The following USP9Y variants were observed in gnomAD, a reference collection of about 807,000 sequenced individuals.
USP9Y encodes the protein ubiquitin specific peptidase 9 Y-linked.
USP9Y carries 41 observed loss-of-function variants against 53.1 expected under a neutral mutation model. That is an observed-to-expected ratio of 0.77 (90% CI 0.60 to 1.00). USP9Y has a LOEUF of 1.00. Among genes scored for constraint, USP9Y ranks in the 50% least tolerant of loss-of-function variants. USP9Y has a pLI of 0.00. For synonymous variants in USP9Y, 220 were observed against 173.7 expected (o/e 1.27, Z -2.09); for missense variants, 567 against 535.8 (o/e 1.06, Z -0.58).
intron 2 of USP9Y, among the ~76,000 whole-genome samples, chrY:12,708,925 A>G: frequency 3.6e-4 from 12 of 33,776 alleles, no homozygotes; most frequent in Admixed American, 2.9e-3. Context: ...TTTCTTATTC[A>G]TCTTTTTTTG....
chrY:12,731,014 T>G, intron 7 of USP9Y, among the ~76,000 whole-genome samples: 1 of 33,169 alleles, frequency 3.0e-5, no homozygotes, highest in Admixed American at 2.8e-4. Context: ...TTTCAATTCT[T>G]CAGATTGTCT....
chrY:12,716,300 C>T (rs1322049587), intron 3 of USP9Y, among the ~76,000 whole-genome samples: 16 of 33,705 alleles, frequency 4.7e-4, no homozygotes, highest in Non-Finnish European at 7.3e-5. Flanking sequence ...TATGAGATGA[C>T]CATTGTATAT....
intron 22 of USP9Y, among the ~76,000 whole-genome samples, chrY:12,784,591 G>A (rs780003648): frequency 1.8e-4 from 6 of 33,088 alleles, no homozygotes; most frequent in African/African-American, 7.0e-4. Flanking sequence ...TTGCATGGTC[G>A]CCCCTGTCCA....
chrY:12,745,321 A>G lies in USP9Y; in HGVS notation c.1422+5692A>G, dbSNP rs780871126. Among the ~76,000 whole-genome samples, 3 of 34,058 alleles carry G rather than the reference A, an allele frequency of 8.8e-5. No individual in the cohort carries two copies. In the East Asian group the frequency reaches 2.3e-3, roughly 27 times the overall value. The allele number at this position is 34,058 out of a possible 37,273, so 91.4% of individuals were successfully genotyped here. On this transcript the variant is annotated intron_variant, in intron 12 of 45. Transcript: ENST00000338981. ...GGCTTTGATGGAACTTTCTTCCACA[A>G]GGACTCTCAGATGGGACTTTGAAGC...
At chrY:12,821,883 G>A in intron 33 of USP9Y, among the ~76,000 whole-genome samples, 1 of 33,474 alleles carries the variant, frequency 3.0e-5, no homozygotes, top group African/African-American at 1.2e-4. Flanking sequence ...TATTGGCCAG[G>A]CTGGTCTCAA....
In USP9Y at chrY:12,773,944, C is replaced by A; in HGVS notation, c.2331+19C>A. 1 of 339,052 alleles carries A rather than the reference C, an allele frequency of 2.9e-6. No individual in the cohort carries two copies. Among genetic ancestry groups the A allele is most frequent in the Non-Finnish European group, 4.3e-6 (1 of 232,144 alleles). The allele number at this position is 339,052 out of a possible 400,897, so 84.6% of individuals were successfully genotyped here. ...TTGGAGGGTAAGTGAGTAGTAAGAA[C>A]TTTCATATGCCAACATTGTACCTGA... is the stretch of plus-strand genomic sequence containing the variant. On this transcript the variant is annotated intron_variant, in intron 17 of 45. Coordinates refer to ENST00000338981, the MANE Select transcript of USP9Y (RefSeq NM_004654.4).
At chrY:12,785,680 G>T (rs2053500968) in intron 22 of USP9Y, among the ~76,000 whole-genome samples, 2 of 33,013 alleles carry the variant, frequency 6.1e-5, no homozygotes, top group African/African-American at 2.4e-4. Context: ...TTTTGATTTG[G>T]TTATCCATTC....
At chrY:12,815,320 C>T (rs1028954941) in intron 31 of USP9Y, among the ~76,000 whole-genome samples, 3 of 33,246 alleles carry the variant, frequency 9.0e-5, no homozygotes, top group Non-Finnish European at 1.5e-4. Flanking sequence ...CTCCACCTCC[C>T]GAGTTCAAGC....
rs779824633 is a variant in USP9Y at position 12,736,257 on chromosome Y, A to G, written c.1025+8A>G. ...GTTAAAGATGATACTCAGGTAAGAT[A>G]TTTTCCACCTTAAATTATTTGTGTG... On this transcript the variant is annotated splice_region_variant and intron_variant, in intron 9 of 45. Coordinates refer to ENST00000338981, the MANE Select transcript of USP9Y (RefSeq NM_004654.4). 1.3e-5 allele frequency: 5 copies of G among 376,799 alleles called. No homozygotes were observed. The East Asian group carries it at 4.7e-4, about 36-fold the overall frequency. 94.0% of individuals were successfully genotyped at this position (376,799 alleles called of 400,897 possible).
chrY:12,834,957 A>G (rs899850782), intron 34 of USP9Y, among the ~76,000 whole-genome samples: 7 of 33,901 alleles, frequency 2.1e-4, no homozygotes, highest in African/African-American at 8.0e-4. Flanking sequence ...AGGAAACAGT[A>G]AAAATATCAG....
chrY:12,816,401 C>G, intron 32 of USP9Y, 57 bp downstream of exon 32: 1 of 289,223 alleles, frequency 3.5e-6, no homozygotes, highest in Non-Finnish European at 5.3e-6. Context: ...GTTGTTCTCC[C>G]TCAGATTACT....
At chrY:12,779,497 G>A (rs2053496648) in intron 21 of USP9Y, 29 bp from the exon 22 acceptor site, 1 of 392,618 alleles carries the variant, frequency 2.5e-6, no homozygotes, top group South Asian at 3.0e-5. Flanking sequence ...CAATTTGCAG[G>A]TAAATATTTT....
chrY:12,785,285 G>A (rs748496317), intron 22 of USP9Y, among the ~76,000 whole-genome samples: 3 of 32,921 alleles, frequency 9.1e-5, no homozygotes, highest in African/African-American at 3.5e-4. Flanking sequence ...AGCTTGTTTC[G>A]CTCAGTAATG....
chrY:12,749,070 A>T, intron 12 of USP9Y, among the ~76,000 whole-genome samples: 1 of 33,240 alleles, frequency 3.0e-5, no homozygotes, highest in African/African-American at 1.2e-4. Context: ...CCATTTTCTG[A>T]TGTTATCATC....
At chrY:12,746,101 A>G in intron 12 of USP9Y, among the ~76,000 whole-genome samples, 1 of 33,975 alleles carries the variant, frequency 2.9e-5, no homozygotes, top group African/African-American at 1.1e-4. Context: ...CAAGAACATG[A>G]TTGACAAATG....
chrY:12,714,266 A>C, intron 3 of USP9Y, among the ~76,000 whole-genome samples: 1 of 31,073 alleles, frequency 3.2e-5, no homozygotes, highest in South Asian at 7.6e-4. Flanking sequence ...GCATCATTAA[A>C]ATGCACAGGA....
In USP9Y at chrY:12,840,234, A is replaced by G; in HGVS notation, c.5708A>G (p.Asp1903Gly). The change falls in exon 36 of 46, where the codon GAT becomes GGT. Residue 1903 changes from aspartate to glycine, a missense_variant. Coordinates refer to ENST00000338981, the MANE Select transcript of USP9Y (RefSeq NM_004654.4). ...CAGACAGATCACTGGTATAAATTTG[A>G]TGATGGAGATGTAACAGAATGCAAA... ...DDQTDHWYKF[D>G]DGDVTECKMD... 15 of 396,506 alleles carry G rather than the reference A, an allele frequency of 3.8e-5. No individual in the cohort carries two copies. The highest frequency in any genetic ancestry group is 5.3e-5 in the Non-Finnish European group (15 of 283,079).
chrY:12,738,531 GT>G (rs2053454060), intron 11 of USP9Y, among the ~76,000 whole-genome samples: 1 of 31,805 alleles, frequency 3.1e-5, no homozygotes, highest in African/African-American at 1.2e-4. Context: ...AGTTTTTTTG[GT>G]TTTTTTTGTT....
intron 42 of USP9Y, among the ~76,000 whole-genome samples, chrY:12,848,461 C>A (rs2053569063): frequency 3.0e-5 from 1 of 33,211 alleles, no homozygotes; most frequent in African/African-American, 1.2e-4. Flanking sequence ...TGTAGAAGCT[C>A]TTTACTTTAC....
Sources: gnomAD v4.1 joint callset for allele counts (sites outside exome capture counted in the v4.1 genomes callset) on GRCh38, gnomAD v4.1.1 for gene constraint, MANE v1.5 for transcripts, NCBI Gene and HGNC (gene_info 2026-07-23, HGNC 2026-07-21) for gene names.